The following CNN2 variants were observed in gnomAD, a reference collection of about 807,000 sequenced individuals.
CNN2 encodes calponin 2, also known as calponin-2.
A neutral mutation model predicts 31.0 loss-of-function variants in CNN2; 21 were observed. The ratio of observed to expected loss-of-function variants is 0.68; its 90% confidence interval spans 0.48 to 0.98. The LOEUF (loss-of-function observed/expected upper bound fraction) is 0.98. Among genes scored for constraint, CNN2 ranks in the 50% least tolerant of loss-of-function variants. The pLI is 0.00. For synonymous variants in CNN2, 165 were observed against 179.6 expected, an observed-to-expected ratio of 0.92 and a Z score of 0.65; for missense variants, 399 against 427.3, an observed-to-expected ratio of 0.93 and a Z score of 0.58.
rs80286396 is a variant in CNN2 at position 1,037,834 on chromosome 19, C to T, written c.864C>T (p.Gly288=). 2.6e-6 allele frequency: 4 copies of T among 1,522,626 alleles called. No individual in the cohort carries two copies. The highest frequency in any genetic ancestry group is 1.8e-5 in the African/African-American group (1 of 55,660). The allele number at this position is 1,522,626 out of a possible 1,614,324, so 94.3% of individuals were successfully genotyped here. The part of the protein sequence containing the change: ...TVADGAPSGT[G]DCPDPGEVPE... Reference sequence around the variant, plus strand: ...CCGATGGGGCTCCCTCGGGCACCGGCGACTGCCCGGACCCGGGGGAGGTCC... The same window carrying T: ...CCGATGGGGCTCCCTCGGGCACCGGTGACTGCCCGGACCCGGGGGAGGTCC... Residue 288 remains glycine (G), a synonymous_variant, in exon 7 of 7, where the codon GGC becomes GGT. Transcript: ENST00000263097.
chr19:1,028,295 G>C (rs978416939), intron 1 of CNN2, among the ~76,000 whole-genome samples: 2 of 152,104 alleles, frequency 1.3e-5, no homozygotes, highest in Non-Finnish European at 2.9e-5. Context: ...TGCCCTGGCG[G>C]GGGTGAGGAC....
chr19:1,036,823 C>G (rs2039595982), intron 6 of CNN2: 3 of 573,904 alleles, frequency 5.2e-6, no homozygotes, highest in African/African-American at 3.7e-5. Flanking sequence ...AAAGGTCCAC[C>G]CAATTCTTTT....
At chr19:1,036,339 C>G in intron 5 of CNN2, 77 bp from the exon 6 acceptor site, 1 of 1,583,706 alleles carries the variant, frequency 6.3e-7, no homozygotes, top group Non-Finnish European at 8.6e-7. Context: ...GCATGGAGCC[C>G]TGTGGTCCCT....
intron 1 of CNN2, among the ~76,000 whole-genome samples, chr19:1,029,737 T>G (rs1425081115): frequency 2.0e-5 from 3 of 151,446 alleles, no homozygotes; most frequent in Non-Finnish European, 4.4e-5. Flanking sequence ...AGGCTCACTC[T>G]GTTCCAGGCT....
intron 1 of CNN2, 150 bp from the exon 2 acceptor site, chr19:1,030,921 A>C: frequency 1.0e-6 from 1 of 985,336 alleles, no homozygotes; most frequent in South Asian, 1.6e-5. Flanking sequence ...AAAAGGGAGC[A>C]TCTGCGTGGG....
At chr19:1,028,252 C>T (rs1347255661) in intron 1 of CNN2, among the ~76,000 whole-genome samples, 1 of 5,570 alleles carries the variant, frequency 1.8e-4, no homozygotes, top group East Asian at 2.9e-3. Context: ...CTTCCGGAGA[C>T]GGGGTGGGGT....
At chr19:1,035,858 G>A (rs996201233) in intron 4 of CNN2, among the ~76,000 whole-genome samples, 1 of 152,150 alleles carries the variant, frequency 6.6e-6, no homozygotes, top group Non-Finnish European at 1.5e-5. Flanking sequence ...GGAGGAGGGG[G>A]TTGCAGTGAG....
At chr19:1,026,750 C>T in intron 1 of CNN2, 26 bp downstream of exon 1, 1 of 1,544,568 alleles carries the variant, frequency 6.5e-7, no homozygotes, top group Non-Finnish European at 8.7e-7. Flanking sequence ...CCCTTGTCCC[C>T]CCGACAGCGC....
chr19:1,031,338 T>TGGGGGGG (rs148657602), intron 2 of CNN2, 146 bp downstream of exon 2: 101 of 34,312 alleles, frequency 2.9e-3, no homozygotes, highest in Middle Eastern at 7.9e-3. Context: ...CCGAGGGTGG[T>TGGGGGGG]GGCGGGGGGC....
In CNN2 at chr19:1,032,441, A is replaced by G; in HGVS notation, c.235A>G (p.Met79Val). 2.5e-6 allele frequency: 4 copies of G among 1,613,714 alleles called. No individual in the cohort carries two copies. The highest frequency in any genetic ancestry group is 3.4e-6 in the Non-Finnish European group (4 of 1,180,002). Residue 79 changes from methionine to valine, a missense_variant, in exon 3 of 7, where the codon ATG becomes GTG. Met to Val is a conservative substitution (Grantham distance 21). Coordinates refer to ENST00000263097, the MANE Select transcript of CNN2 (RefSeq NM_004368.4). ...PGSVPKINRS[M>V]QNWHQLENLS... ...CTCCGTCCCCAAGATCAACCGCTCC[A>G]TGCAGAACTGGCACCAGGTGAGGGG...
chr19:1,031,718 G>A (rs1172552428), intron 2 of CNN2, among the ~76,000 whole-genome samples: 1 of 150,028 alleles, frequency 6.7e-6, no homozygotes, highest in Non-Finnish European at 1.5e-5. Flanking sequence ...GGGTTCAAGT[G>A]ATTCCCCTGC....
chr19:1,033,762 G>T lies in CNN2; in HGVS notation c.390+1066G>T, dbSNP rs1450401033. 2.9e-3 allele frequency among the ~76,000 whole-genome samples: 215 copies of T among 74,402 alleles called. 1 individual carries two copies. Among genetic ancestry groups the T allele is most frequent in the East Asian group, 8.4e-3 (18 of 2,138 alleles). 48.8% of individuals were successfully genotyped at this position (74,402 alleles called of 152,430 possible). A position where few individuals can be genotyped will look rare whatever the true frequency, so the allele number is the denominator to read the frequency against. On this transcript the variant is annotated intron_variant, in intron 4 of 6. Transcript: ENST00000263097. The stretch of plus-strand genomic sequence containing the variant: ...GTAGACGGGGAGCGTGGGTGGGACG[G>T]TGTCTGGTGTAGACCGGGAGCGTGG...
At position 1,036,528 on chromosome 19, in the gene CNN2, G is replaced by A. The variant is rs771768509; in HGVS notation, c.620G>A (p.Ser207Asn). 3.7e-6 allele frequency: 6 copies of A among 1,613,458 alleles called. No homozygotes were observed. Among genetic ancestry groups the A allele is most frequent in the South Asian group, 1.1e-5 (1 of 91,078 alleles). The change falls in exon 6 of 7, where the codon AGC becomes AAC. Residue 207 changes from serine to asparagine, a missense_variant. Coordinates refer to ENST00000263097, the MANE Select transcript of CNN2 (RefSeq NM_004368.4). The part of the protein sequence containing the change: ...ILPPMDHSTI[S>N]LQMGTNKCAS... ...CCCCCCATGGACCACTCGACCATCA[G>A]CCTCCAGATGGGCACGAACAAGTGT...
intron 1 of CNN2, among the ~76,000 whole-genome samples, chr19:1,028,888 G>A (rs2039443528): frequency 6.6e-6 from 1 of 152,196 alleles, no homozygotes. Flanking sequence ...AAGCCAAGCT[G>A]GGTGGGCTGT....
chr19:1,030,170 A>G (rs75968436), intron 1 of CNN2, among the ~76,000 whole-genome samples: 36,259 of 151,968 alleles, frequency 0.24, 5,932 homozygotes, highest in African/African-American at 0.46. Flanking sequence ...CCCACTGCCC[A>G]GGAGCACACA....
rs768170430 is a variant in CNN2 at position 1,032,558 on chromosome 19, G to A, written c.253-1G>A. The stretch of plus-strand genomic sequence containing the variant: ...ACTGTCCCTCTCCTGCCTCTTCCCA[G>A]CTAGAAAACCTGTCCAACTTCATCA... On this transcript the variant is annotated splice_acceptor_variant, in intron 3 of 6. Transcript: ENST00000263097. LOFTEE classifies it high-confidence loss of function. 1.4e-5 allele frequency: 23 copies of A among 1,613,356 alleles called. No homozygotes were observed. The highest frequency in any genetic ancestry group is 1.9e-5 in the Non-Finnish European group (22 of 1,179,846).
At chr19:1,031,740 G>A (rs1211737920) in intron 2 of CNN2, among the ~76,000 whole-genome samples, 1 of 149,208 alleles carries the variant, frequency 6.7e-6, no homozygotes, top group Non-Finnish European at 1.5e-5. Context: ...TCAGCCTCCC[G>A]AGTAGCTGGG....
chr19:1,036,292 C>CAGCAG lies in CNN2; in HGVS notation c.507+46_507+47insAGCAG, dbSNP rs2039583044. On this transcript the variant is annotated intron_variant, in intron 5 of 6. Coordinates refer to ENST00000263097, the MANE Select transcript of CNN2 (RefSeq NM_004368.4). The stretch of plus-strand genomic sequence containing the variant: ...CCCCAGGGACCACGGCATTGGGGGA[C>CAGCAG]CACGGTGTTGGGGGACAGCAGCATT... 8.9e-6 allele frequency: 14 copies of CAGCAG among 1,565,860 alleles called. No individual in the cohort carries two copies. In the East Asian group the frequency reaches 3.2e-4, roughly 35 times the overall value.
chr19:1,026,730 T>C lies in CNN2; in HGVS notation c.63+6T>C, dbSNP rs1354369884. On this transcript the variant is annotated splice_donor_region_variant and intron_variant, in intron 1 of 6. Transcript: ENST00000263097. ...CGGCCGAGGTCAAGAACCGGGTGAG[T>C]GAGGGGCGCCCCTTGTCCCCCCGAC... 5 of 1,547,590 alleles carry C rather than the reference T, an allele frequency of 3.2e-6. No homozygotes were observed. In the African/African-American group the frequency reaches 6.9e-5, roughly 21 times the overall value.
Sources: gnomAD v4.1 joint callset for allele counts (sites outside exome capture counted in the v4.1 genomes callset) on GRCh38, gnomAD v4.1.1 for gene constraint, MANE v1.5 for transcripts, NCBI Gene and HGNC (gene_info 2026-07-23, HGNC 2026-07-21) for gene names.